The following CEP57 variants were observed in gnomAD, a reference collection of about 807,000 sequenced individuals.
CEP57 encodes the protein centrosomal protein of 57 kDa.
In CEP57, 40 loss-of-function variants were observed where a neutral mutation model predicts 68.0. That is an observed-to-expected ratio of 0.59 (90% confidence interval 0.46 to 0.77). The LOEUF is 0.77. Among genes scored for constraint, CEP57 ranks in the 30% least tolerant of loss-of-function variants. CEP57 has a pLI of 0.00. For synonymous variants in CEP57, 219 were observed against 198.7 expected, an observed-to-expected ratio of 1.10 and a Z score of -0.86; for missense variants, 606 against 580.7, an observed-to-expected ratio of 1.04 and a Z score of -0.45.
At chr11:95,799,548 A>T (rs896352411) in intron 2 of CEP57, among the ~76,000 whole-genome samples, 160 bp downstream of exon 2, 1 of 152,118 alleles carries the variant, frequency 6.6e-6, no homozygotes, top group Non-Finnish European at 1.5e-5. Flanking sequence ...TATTCCTTAT[A>T]TTGATTGTTG....
Position 95,790,542 on chromosome 11 carries a change from T to A in CEP57, c.-157T>A. 1.3e-6 allele frequency: 1 copy of A among 798,642 alleles called. No homozygotes were observed. Among genetic ancestry groups the A allele is most frequent in the East Asian group, 2.7e-5 (1 of 37,450 alleles). The allele number at this position is 798,642 out of a possible 1,614,324, so 49.5% of individuals were successfully genotyped here. A position where few individuals can be genotyped will look rare whatever the true frequency, so the allele number is the denominator to read the frequency against. The stretch of plus-strand genomic sequence containing the variant: ...GCGTAGGCGGCCCTGAGGGGGTGTG[T>A]TGCAGGGGTTTCCAAGCCCAGCACC... On this transcript the variant is annotated 5_prime_UTR_variant, in exon 1 of 11. The change creates a new upstream start codon in the 5' untranslated region. Coordinates refer to ENST00000325542, the MANE Select transcript of CEP57 (RefSeq NM_014679.5).
At chr11:95,815,509 CT>C (rs34935455) in intron 4 of CEP57, among the ~76,000 whole-genome samples, 41,576 of 151,246 alleles carry the variant, frequency 0.27, 6,984 homozygotes, top group Non-Finnish European at 0.38. Flanking sequence ...CTTATGGTAT[CT>C]TTTTTTTTAT....
intron 6 of CEP57, among the ~76,000 whole-genome samples, chr11:95,821,284 T>C (rs1391370413): frequency 1.3e-5 from 2 of 152,184 alleles, no homozygotes; most frequent in Non-Finnish European, 2.9e-5. Context: ...AAATTCTTAG[T>C]GCTTGTGGAA....
intron 2 of CEP57, among the ~76,000 whole-genome samples, chr11:95,812,109 A>C (rs1862090078): frequency 6.6e-6 from 1 of 152,198 alleles, no homozygotes; most frequent in Non-Finnish European, 1.5e-5. Context: ...TCAAACTTGA[A>C]GCGGACTTTA....
chr11:95,792,033 T>A (rs567453370), intron 1 of CEP57, among the ~76,000 whole-genome samples: 1 of 152,196 alleles, frequency 6.6e-6, no homozygotes, highest in Non-Finnish European at 1.5e-5. Context: ...CTTGGAGAAG[T>A]CAGTTTCAGC....
chr11:95,804,526 T>C (rs1176127419), intron 2 of CEP57, among the ~76,000 whole-genome samples: 1 of 152,140 alleles, frequency 6.6e-6, no homozygotes, highest in Non-Finnish European at 1.5e-5. Context: ...TGGAATACTT[T>C]GAAAAGGTGG....
chr11:95,818,180 G>A (rs953688783), intron 5 of CEP57: 14 of 356,690 alleles, frequency 3.9e-5, no homozygotes, highest in Non-Finnish European at 6.4e-5. Flanking sequence ...GGGAGGCCAA[G>A]GCGGGTGGAT....
chr11:95,800,327 T>C (rs1301467490), intron 2 of CEP57, among the ~76,000 whole-genome samples: 2 of 152,188 alleles, frequency 1.3e-5, no homozygotes, highest in African/African-American at 4.8e-5. Context: ...CTGTCCTCCT[T>C]CCTTCATGTT....
At chr11:95,793,234 T>A (rs544115785) in intron 1 of CEP57, among the ~76,000 whole-genome samples, 55 of 152,324 alleles carry the variant, frequency 3.6e-4, no homozygotes, top group African/African-American at 1.3e-3. Context: ...ATTGATAAAC[T>A]TCGACTGGTG....
chr11:95,819,944 A>T (rs1862454231), intron 6 of CEP57, among the ~76,000 whole-genome samples: 1 of 152,184 alleles, frequency 6.6e-6, no homozygotes, highest in South Asian at 2.1e-4. Context: ...TGAGTTATAT[A>T]GCCACATGGC....
At position 95,821,963 on chromosome 11, in the gene CEP57, A is replaced by G. The variant is rs1862535947; in HGVS notation, c.792A>G (p.Ser264=). The change falls in exon 7 of 11, where the codon TCA becomes TCG. Residue 264 remains serine (S), a synonymous_variant. Coordinates refer to ENST00000325542, the MANE Select transcript of CEP57 (RefSeq NM_014679.5). The part of the protein sequence containing the change: ...PNARRIKKKK[S]KPPEKKSSRN... ...CAAGAAGAATTAAAAAAAAGAAGTC[A>G]AAACCACCAGAAAAGGTGTGAAGAC... 1 of 1,611,990 alleles carries G rather than the reference A, an allele frequency of 6.2e-7. No homozygotes were observed. The highest frequency in any genetic ancestry group is 1.7e-5 in the Admixed American group (1 of 59,972).
At chr11:95,830,145 CA>C (rs1380515989) in intron 10 of CEP57, among the ~76,000 whole-genome samples, 3 of 152,134 alleles carry the variant, frequency 2.0e-5, no homozygotes, top group Non-Finnish European at 4.4e-5. Context: ...TTAATTTTCA[CA>C]AAAGGCTTCT....
chr11:95,791,853 G>T (rs935255175), intron 1 of CEP57, among the ~76,000 whole-genome samples: 19 of 152,214 alleles, frequency 1.2e-4, no homozygotes, highest in African/African-American at 4.6e-4. Flanking sequence ...AGATAGTTCG[G>T]AATGAGAAGA....
rs1291143993 is a variant in CEP57, at chr11:95,822,589, A to G, written c.885+13A>G. 3.7e-6 allele frequency: 6 copies of G among 1,603,974 alleles called. No individual in the cohort carries two copies. Among genetic ancestry groups the G allele is most frequent in the South Asian group, 2.2e-5 (2 of 90,906 alleles). On this transcript the variant is annotated intron_variant, in intron 8 of 10. Transcript: ENST00000325542. ...TGTAGCTGGGAAGGTGAGTTGGTCA[A>G]ACTCCGGATTCTTTTTATACAACAT...
Position 95,817,788 on chromosome 11 carries a change from TTTCC to T in CEP57, c.507_510del (p.Ser170Ter). On this transcript the variant is annotated frameshift_variant and splice_region_variant, in exon 5 of 11. Coordinates refer to ENST00000325542, the MANE Select transcript of CEP57 (RefSeq NM_014679.5). LOFTEE classifies it high-confidence loss of function. ...GCCGTATTGAATATTGTTTTTCAGG[TTTCC>T]CTAGAAAGAGAACGACAACATGATC... 2 of 1,603,630 alleles carry T rather than the reference TTTCC, an allele frequency of 1.2e-6. No individual in the cohort carries two copies. Among genetic ancestry groups the T allele is most frequent in the Non-Finnish European group, 1.7e-6 (2 of 1,170,548 alleles).
chr11:95,823,319 G>A (rs1281026285), intron 8 of CEP57: 1 of 152,112 alleles, frequency 6.6e-6, no homozygotes, highest in African/African-American at 2.4e-5. Flanking sequence ...AGGTACAGTT[G>A]ACCCTTGAAC....
chr11:95,828,683 T>C (rs1470601392), intron 9 of CEP57, among the ~76,000 whole-genome samples: 1 of 152,226 alleles, frequency 6.6e-6, no homozygotes, highest in Non-Finnish European at 1.5e-5. Flanking sequence ...AATAAGAATA[T>C]AAAGAATTAA....
intron 3 of CEP57, 65 bp from the exon 4 acceptor site, chr11:95,813,403 T>C: frequency 6.3e-7 from 1 of 1,578,478 alleles, no homozygotes; most frequent in Non-Finnish European, 8.6e-7. Flanking sequence ...CAATTCCTGT[T>C]AACAGCTTGT....
At chr11:95,812,871 C>T in intron 2 of CEP57, 61 bp from the exon 3 acceptor site, 1 of 1,445,084 alleles carries the variant, frequency 6.9e-7, no homozygotes, top group Non-Finnish European at 9.7e-7. Flanking sequence ...TTTATTCTTT[C>T]TTAATATACT....
Sources: gnomAD v4.1 joint callset for allele counts (sites outside exome capture counted in the v4.1 genomes callset) on GRCh38, gnomAD v4.1.1 for gene constraint, MANE v1.5 for transcripts, NCBI Gene and HGNC (gene_info 2026-07-23, HGNC 2026-07-21) for gene names.